MCM10: variants seen among roughly 807,000 people sequenced by gnomAD.
The protein encoded by MCM10 is protein MCM10 homolog.
In MCM10, 91 loss-of-function variants were observed where a neutral mutation model predicts 109.9. The ratio of observed to expected loss-of-function variants is 0.83; its 90% confidence interval spans 0.70 to 0.99. The LOEUF (loss-of-function observed/expected upper bound fraction) is 0.99, where lower values mean the gene tolerates loss of function less well. MCM10 is among the 50% of genes least tolerant of loss of function. The pLI is 0.00. For missense variants in MCM10, 1,077 were observed against 1,061.2 expected, an observed-to-expected ratio of 1.01 and a Z score of -0.21; for synonymous variants, 380 against 387.2, an observed-to-expected ratio of 0.98 and a Z score of 0.22.
At chr10:13,194,255 C>T (rs778528057) in intron 13 of MCM10, among the ~76,000 whole-genome samples, 9 of 152,114 alleles carry the variant, frequency 5.9e-5, no homozygotes, top group East Asian at 1.9e-4. Flanking sequence ...CCCAGCTACT[C>T]GGGAGGCTGA....
chr10:13,198,787 C>T lies in MCM10; in HGVS notation c.2218C>T (p.His740Tyr). ...GAAAATCCTAAAAGCAAAATCAAAA[C>T]ACACAGGCATCCTGAAAGAGGTAAG... ...FQKILKAKSKHTGILKEAEAE... is the reference protein window; with the variant it reads ...FQKILKAKSKYTGILKEAEAE... Residue 740 changes from histidine (H) to tyrosine (Y), a missense_variant, in exon 16 of 20, where the codon CAC becomes TAC. By Grantham distance (83) the His-to-Tyr change is moderately conservative (BLOSUM62 2). Coordinates refer to ENST00000378714, the MANE Select transcript of MCM10 (RefSeq NM_018518.5). The T allele has an allele frequency of 6.2e-7, 1 of 1,612,426 alleles. No homozygotes were observed. The highest frequency in any genetic ancestry group is 8.5e-7 in the Non-Finnish European group (1 of 1,179,330).
intron 8 of MCM10, among the ~76,000 whole-genome samples, chr10:13,184,991 G>T (rs1022654545): frequency 1.5e-4 from 23 of 152,186 alleles, no homozygotes; most frequent in Non-Finnish European, 2.5e-4. Context: ...GCTGCCAGTG[G>T]TTCAGCATAA....
intron 2 of MCM10, among the ~76,000 whole-genome samples, chr10:13,170,330 T>G (rs117381072): frequency 7.4e-4 from 112 of 152,234 alleles, no homozygotes; most frequent in Non-Finnish European, 1.4e-3. Flanking sequence ...TAATTCTGGG[T>G]GATGGGATCT....
chr10:13,209,524 G>A lies in MCM10; in HGVS notation c.*214G>A. The A allele has an allele frequency of 1.7e-6, 1 of 585,524 alleles. No homozygotes were observed. The highest frequency in any genetic ancestry group is 3.0e-6 in the Non-Finnish European group (1 of 328,926). 36.3% of individuals were successfully genotyped at this position (585,524 alleles called of 1,614,324 possible). On this transcript the variant is annotated 3_prime_UTR_variant, in exon 20 of 20. Transcript: ENST00000378714. ...TTAAGTGGAAAACCAAGTTATCATTGTCTTTTCTAAGCTCAGTGTGGATGA... is the reference window on the plus strand; with the variant it reads ...TTAAGTGGAAAACCAAGTTATCATTATCTTTTCTAAGCTCAGTGTGGATGA...
At chr10:13,186,079 G>C (rs754302079) in intron 8 of MCM10, 85 bp from the exon 9 acceptor site, 47 of 771,376 alleles carry the variant, frequency 6.1e-5, no homozygotes, top group Non-Finnish European at 9.4e-5. Context: ...TCTTAAATCA[G>C]CACCAACCAT....
chr10:13,178,617 C>T (rs1001312193), intron 6 of MCM10, among the ~76,000 whole-genome samples: 1 of 152,228 alleles, frequency 6.6e-6, no homozygotes, highest in South Asian at 2.1e-4. Context: ...CTATAGCTTT[C>T]GTATAATTTG....
intron 18 of MCM10, among the ~76,000 whole-genome samples, chr10:13,204,720 T>C (rs1377513504): frequency 6.6e-6 from 1 of 152,158 alleles, no homozygotes; most frequent in Non-Finnish European, 1.5e-5. Flanking sequence ...TTGATCATTT[T>C]AAATGTCTTT....
chr10:13,207,317 G>A (rs779096432), intron 18 of MCM10, among the ~76,000 whole-genome samples: 1 of 152,158 alleles, frequency 6.6e-6, no homozygotes, highest in Non-Finnish European at 1.5e-5. Flanking sequence ...GATTGGGGTT[G>A]TAGTTTGCTG....
intron 2 of MCM10, among the ~76,000 whole-genome samples, chr10:13,165,826 G>C (rs1833989229): frequency 7.0e-6 from 1 of 142,454 alleles, no homozygotes; most frequent in Non-Finnish European, 1.5e-5. Context: ...ATTGCATCGA[G>C]ATCCCACTAC....
In MCM10 at chr10:13,210,731, G is replaced by C. The variant is rs1834650641; in HGVS notation, c.*1421G>C. ...TTTAGGAGTATACTTCTACTTTATA[G>C]AAGGTTGCTTTTCTTTTTAATTTTT... On this transcript the variant is annotated 3_prime_UTR_variant, in exon 20 of 20. Coordinates refer to ENST00000378714, the MANE Select transcript of MCM10 (RefSeq NM_018518.5). 1 of 152,168 alleles carries C rather than the reference G, an allele frequency of 6.6e-6. No homozygotes were observed. Among genetic ancestry groups the C allele is most frequent in the African/African-American group, 2.4e-5 (1 of 41,448 alleles). The allele number at this position is 152,168 out of a possible 1,614,324, so 9.4% of individuals were successfully genotyped here.
intron 2 of MCM10, 132 bp downstream of exon 2, chr10:13,164,341 A>G (rs1338684713): frequency 2.7e-6 from 2 of 729,704 alleles, no homozygotes; most frequent in African/African-American, 1.8e-5. Context: ...AGTGGTTCTG[A>G]AGCAATCTCA....
In MCM10 at chr10:13,182,893, C is replaced by A. The variant is rs774559928; in HGVS notation, c.931-40C>A. 1.3e-6 allele frequency: 2 copies of A among 1,514,166 alleles called. No homozygotes were observed. The highest frequency in any genetic ancestry group is 1.4e-5 in the African/African-American group (1 of 72,558). The allele number at this position is 1,514,166 out of a possible 1,614,324, so 93.8% of individuals were successfully genotyped here. Reference sequence around the variant, plus strand: ...TGAATCATAAATGAGGACGGCATAACCTACAGTTCAAAATTATAAAAAATA... The same window carrying A: ...TGAATCATAAATGAGGACGGCATAAACTACAGTTCAAAATTATAAAAAATA... On this transcript the variant is annotated intron_variant, in intron 7 of 19. Transcript: ENST00000378714. This position sits in a 1 kb window ranked among gnomAD's most constrained non-coding sequence, Gnocchi z 4.2.
At chr10:13,196,248 T>A (rs1006682310) in intron 14 of MCM10, among the ~76,000 whole-genome samples, 1 of 152,020 alleles carries the variant, frequency 6.6e-6, no homozygotes, top group Non-Finnish European at 1.5e-5. Flanking sequence ...TCCAGTCCCA[T>A]GACAGGTGAA....
chr10:13,195,788 A>C, intron 14 of MCM10, among the ~76,000 whole-genome samples: 1 of 151,078 alleles, frequency 6.6e-6, no homozygotes, highest in East Asian at 2.0e-4. Flanking sequence ...TTTTTAGTAG[A>C]GACATGGTTT....
intron 9 of MCM10, among the ~76,000 whole-genome samples, chr10:13,187,809 T>TGAA (rs1351100628): frequency 1.3e-5 from 2 of 151,918 alleles, no homozygotes; most frequent in African/African-American, 2.4e-5. Flanking sequence ...GGTTTCAGAG[T>TGAA]GAAGTACCCA....
intron 2 of MCM10, among the ~76,000 whole-genome samples, chr10:13,166,026 AT>A (rs1359021419): frequency 2.0e-5 from 3 of 152,054 alleles, no homozygotes; most frequent in African/African-American, 4.8e-5. Context: ...TCCTGCTTAT[AT>A]TTTAGTGGAG....
Position 13,191,296 on chromosome 10 carries a change from C to T in MCM10, c.1416-3C>T, listed in dbSNP as rs1367824341. 6.2e-7 allele frequency: 1 copy of T among 1,609,620 alleles called. No individual in the cohort carries two copies. Among genetic ancestry groups the T allele is most frequent in the South Asian group, 1.1e-5 (1 of 90,956 alleles). Reference sequence around the variant, plus strand: ...TCCTTTTGGGGGTGACTTGTCATTTCAGTGCAGCAGCTGTGGCTCCTAAGA... The same window carrying T: ...TCCTTTTGGGGGTGACTTGTCATTTTAGTGCAGCAGCTGTGGCTCCTAAGA... On this transcript the variant is annotated splice_region_variant and splice_polypyrimidine_tract_variant and intron_variant, in intron 10 of 19. Transcript: ENST00000378714.
intron 1 of MCM10, among the ~76,000 whole-genome samples, chr10:13,163,683 T>C (rs1222065169): frequency 8.1e-6 from 1 of 123,968 alleles, no homozygotes; most frequent in African/African-American, 2.6e-5. Context: ...TCGACCCCAA[T>C]AATTTGTGTG....
At chr10:13,166,244 C>T (rs1391541731) in intron 2 of MCM10, among the ~76,000 whole-genome samples, 2 of 152,040 alleles carry the variant, frequency 1.3e-5, no homozygotes, top group African/African-American at 2.4e-5. Flanking sequence ...CTGTGAATAG[C>T]ACTAGATACT....
Sources: gnomAD v4.1 joint callset for allele counts (sites outside exome capture counted in the v4.1 genomes callset) on GRCh38, gnomAD v4.1.1 for gene constraint, Gnocchi (gnomAD v3.1) non-coding constraint, MANE v1.5 for transcripts, NCBI Gene and HGNC (gene_info 2026-07-23, HGNC 2026-07-21) for gene names.